CSPG4: variants seen among roughly 807,000 people sequenced by gnomAD.
CSPG4 encodes the protein chondroitin sulfate proteoglycan 4 (melanoma-associated).
CSPG4 carries 74 observed loss-of-function variants against 139.3 expected under a neutral mutation model. The observed-to-expected ratio is 0.53, with a 90% CI of 0.44 to 0.64. The LOEUF is 0.64. CSPG4 is among the 30% of genes least tolerant of loss of function. The pLI, the probability that CSPG4 is intolerant of heterozygous loss-of-function variation, is 0.00. For synonymous variants in CSPG4, 1,234 were observed against 1,394.2 expected (o/e 0.89, Z 2.56); for missense variants, 2,565 against 3,148.3 (o/e 0.81, Z 4.43).
intron 7 of CSPG4, 54 bp from the exon 8 acceptor site, chr15:75,682,513 TG>T (rs1893988712): frequency 6.3e-7 from 1 of 1,583,116 alleles, no homozygotes; most frequent in African/African-American, 1.3e-5. Context: ...GGTCCAGGCC[TG>T]TGTTTGCAAA....
chr15:75,683,728 C>T (rs1054121657), intron 5 of CSPG4, among the ~76,000 whole-genome samples: 9 of 152,172 alleles, frequency 5.9e-5, no homozygotes, highest in South Asian at 2.1e-4. Flanking sequence ...CAATTACTTG[C>T]GGGCAGAGCT....
intron 1 of CSPG4, among the ~76,000 whole-genome samples, chr15:75,711,761 T>C (rs1445034787): frequency 1.3e-5 from 2 of 152,180 alleles, no homozygotes; most frequent in Non-Finnish European, 2.9e-5. Flanking sequence ...ACGTGGGTAG[T>C]GATGATGGAT....
In CSPG4 at chr15:75,677,374, G is replaced by A. The variant is rs1893909556; in HGVS notation, c.5145C>T (p.Val1715=). ...TGATCCTGGCCCGCTGGCCCTCGGG[G>A]ACCCAGAGACCTGGGGGTGGGACAT... is the stretch of plus-strand genomic sequence containing the variant. ...SHLWKNKGLW[V]PEGQRARITV... Residue 1715 remains valine (V), a synonymous_variant, in exon 10 of 10, where the codon GTC becomes GTT. Coordinates refer to ENST00000308508, the MANE Select transcript of CSPG4 (RefSeq NM_001897.5). 1.4e-6 allele frequency: 2 copies of A among 1,395,268 alleles called. No individual in the cohort carries two copies. The highest frequency in any genetic ancestry group is 1.5e-5 in the African/African-American group (1 of 67,602). 86.4% of individuals were successfully genotyped at this position (1,395,268 alleles called of 1,614,324 possible). A position where few individuals can be genotyped will look rare whatever the true frequency, so the allele number is the denominator to read the frequency against.
chr15:75,688,376 G>A lies in CSPG4; in HGVS notation c.2689C>T (p.Pro897Ser). 2 of 1,613,350 alleles carry A rather than the reference G, an allele frequency of 1.2e-6. No individual in the cohort carries two copies. Among genetic ancestry groups the A allele is most frequent in the South Asian group, 1.1e-5 (1 of 91,086 alleles). Reference protein sequence around the residue: ...YTFPIHIGGDPDAPVLTNVLL... With the variant: ...YTFPIHIGGDSDAPVLTNVLL... Reference sequence around the variant, plus strand: ...ACATTGGTGAGGACAGGCGCATCTGGGTCACCACCAATGTGGATGGGGAAG... The same window carrying A: ...ACATTGGTGAGGACAGGCGCATCTGAGTCACCACCAATGTGGATGGGGAAG... Residue 897 changes from proline (P) to serine (S), a missense_variant, in exon 3 of 10, where the codon CCA (proline) becomes TCA (serine). Pro to Ser is a moderately conservative substitution (Grantham distance 74). Transcript: ENST00000308508.
At chr15:75,678,846 G>GA (rs1893930049) in intron 8 of CSPG4, 1 of 454,298 alleles carries the variant, frequency 2.2e-6, no homozygotes, top group Non-Finnish European at 4.4e-6. Flanking sequence ...CGTGTTGTTG[G>GA]ATCCAGCGGT....
At chr15:75,693,748 C>T (rs1332434146) in intron 1 of CSPG4, among the ~76,000 whole-genome samples, 1 of 152,262 alleles carries the variant, frequency 6.6e-6, no homozygotes, top group Non-Finnish European at 1.5e-5. Context: ...CTGTGCAGCG[C>T]CTGCTGTGCC....
At chr15:75,683,560 G>A (rs1269195037) in intron 5 of CSPG4, among the ~76,000 whole-genome samples, 6 of 152,356 alleles carry the variant, frequency 3.9e-5, no homozygotes, top group Admixed American at 3.3e-4. Flanking sequence ...GGTTGGCACT[G>A]TTCTGCAGCA....
Position 75,682,280 on chromosome 15 carries a change from G to A in CSPG4, c.4950+13C>T. ...GGGGCATCTGAGTGGTGGCTGCAAAGTTGGGCCCTTACCTCTGCCTGAGTG... is the reference window on the plus strand; with the variant it reads ...GGGGCATCTGAGTGGTGGCTGCAAAATTGGGCCCTTACCTCTGCCTGAGTG... On this transcript the variant is annotated intron_variant, in intron 8 of 9. Coordinates refer to ENST00000308508, the MANE Select transcript of CSPG4 (RefSeq NM_001897.5). 6.3e-7 allele frequency: 1 copy of A among 1,596,586 alleles called. No homozygotes were observed. The highest frequency in any genetic ancestry group is 2.2e-5 in the East Asian group (1 of 44,872).
intron 8 of CSPG4, among the ~76,000 whole-genome samples, chr15:75,681,679 C>T (rs1324330439): frequency 3.3e-5 from 5 of 152,196 alleles, no homozygotes; most frequent in Admixed American, 3.3e-4. Flanking sequence ...TGGGCTGGCC[C>T]CCATGGCACA....
In CSPG4 at chr15:75,687,541, C is replaced by T. The variant is rs1894078791; in HGVS notation, c.3524G>A (p.Gly1175Glu). 3.7e-6 allele frequency: 6 copies of T among 1,611,186 alleles called. No individual in the cohort carries two copies. In the East Asian group the frequency reaches 8.9e-5, roughly 24 times the overall value. Residue 1175 changes from glycine (G) to glutamate (E), a missense_variant, in exon 3 of 10, where the codon GGA becomes GAA. Gly to Glu is a moderately conservative substitution (Grantham distance 98). Coordinates refer to ENST00000308508, the MANE Select transcript of CSPG4 (RefSeq NM_001897.5). The surrounding 1 kb of genome is among the most constrained non-coding windows in gnomAD (Gnocchi z 5.4). ...TGGCTGACCAGCCCGGACTAGCTGT[C>T]CCCAGCGAGGGCCAGCTGTGACGTG... is the stretch of plus-strand genomic sequence containing the variant. ...HYHVTAGPRW[G>E]QLVRAGQPAT...
At position 75,677,689 on chromosome 15, in the gene CSPG4, ATCATGC is replaced by A. The variant is rs1332971693; in HGVS notation, c.5134+8_5134+13del. On this transcript the variant is annotated splice_region_variant and intron_variant, in intron 9 of 9. Coordinates refer to ENST00000308508, the MANE Select transcript of CSPG4 (RefSeq NM_001897.5). ...TCCCTCCCCACAATCTTGCCAGCTT[ATCATGC>A]TGTTCACCTTTGTTCTTCCAGAGGT... 2 of 1,582,840 alleles carry A rather than the reference ATCATGC, an allele frequency of 1.3e-6. No homozygotes were observed. The highest frequency in any genetic ancestry group is 2.7e-5 in the African/African-American group (2 of 73,076).
rs1893916392 is a variant in CSPG4, at chr15:75,677,863, A to G, written c.4974T>C (p.Tyr1658=). Residue 1658 remains tyrosine (Y), a synonymous_variant, in exon 9 of 10, where the codon TAT becomes TAC. Transcript: ENST00000308508. Reference sequence around the variant, plus strand: ...AGGGCTCGGGGGGCATCTCATGCTCATACAGAATATTCCCAGCGTAGACCT... The same window carrying G: ...AGGGCTCGGGGGGCATCTCATGCTCGTACAGAATATTCCCAGCGTAGACCT... ...QAEVYAGNIL[Y]EHEMPPEPFW... is the part of the protein sequence containing the mutation. 1 of 1,611,932 alleles carries G rather than the reference A, an allele frequency of 6.2e-7. No individual in the cohort carries two copies. Among genetic ancestry groups the G allele is most frequent in the Non-Finnish European group, 8.5e-7 (1 of 1,179,096 alleles).
Position 75,690,041 on chromosome 15 carries a change from G to A in CSPG4, c.1024C>T (p.Leu342=). 6.2e-7 allele frequency: 1 copy of A among 1,611,780 alleles called. No individual in the cohort carries two copies. Among genetic ancestry groups the A allele is most frequent in the South Asian group, 1.1e-5 (1 of 90,752 alleles). Residue 342 remains leucine (L), a synonymous_variant, in exon 3 of 10, where the codon CTG becomes TTG. Transcript: ENST00000308508. ...GAGGCATTGGTGGCCTCTGGTGTCA[G>A]GCCCAGGCGGTGTTCCTGGAGGTGA... is the stretch of plus-strand genomic sequence containing the variant. ...SRHLQEHRLG[L]TPEATNASLL...
At position 75,689,913 on chromosome 15, in the gene CSPG4, C is replaced by T. The variant is rs1476847062; in HGVS notation, c.1152G>A (p.Glu384=). The change falls in exon 3 of 10, where the codon GAG becomes GAA. Residue 384 remains glutamate (E), a synonymous_variant. Transcript: ENST00000308508. Reference sequence around the variant, plus strand: ...CATAGGCATCGTCCTCATACTCCTCCTCCTCCAGCCTGCAGCCGGCTGCCA... The same window carrying T: ...CATAGGCATCGTCCTCATACTCCTCTTCCTCCAGCCTGCAGCCGGCTGCCA... The part of the protein sequence containing the change: ...RNMAAGCRLE[E]EEYEDDAYGH... 4.3e-6 allele frequency: 7 copies of T among 1,611,750 alleles called. No homozygotes were observed. Among genetic ancestry groups the T allele is most frequent in the Middle Eastern group, 1.7e-4 (1 of 6,046 alleles).
intron 5 of CSPG4, among the ~76,000 whole-genome samples, chr15:75,684,461 G>A (rs1424798970): frequency 6.6e-6 from 1 of 152,232 alleles, no homozygotes; most frequent in African/African-American, 2.4e-5. Context: ...CTGGTCCTTA[G>A]CCACAGAAGA....
chr15:75,710,124 G>A (rs1894428945), intron 1 of CSPG4, among the ~76,000 whole-genome samples: 1 of 152,056 alleles, frequency 6.6e-6, no homozygotes, highest in African/African-American at 2.4e-5. Flanking sequence ...CATCAGTTCT[G>A]AGTCCCCACC....
At chr15:75,697,945 GAGA>G (rs1212251289) in intron 1 of CSPG4, among the ~76,000 whole-genome samples, 2 of 152,238 alleles carry the variant, frequency 1.3e-5, no homozygotes, top group African/African-American at 4.8e-5. Context: ...TATTAAAACT[GAGA>G]AGGAGAAATC....
At position 75,690,811 on chromosome 15, in the gene CSPG4, A is replaced by G. The variant is rs1363234024; in HGVS notation, c.254T>C (p.Val85Ala). 1 of 1,602,180 alleles carries G rather than the reference A, an allele frequency of 6.2e-7. No homozygotes were observed. Among genetic ancestry groups the G allele is most frequent in the African/African-American group, 1.3e-5 (1 of 74,660 alleles). The change falls in exon 3 of 10, where the codon GTC (valine) becomes GCC (alanine). Residue 85 changes from valine (V) to alanine (A), a missense_variant and splice_region_variant. Coordinates refer to ENST00000308508, the MANE Select transcript of CSPG4 (RefSeq NM_001897.5). Reference protein sequence around the residue: ...LLQLYSGRLQVRLVLGQEELR... With the variant: ...LLQLYSGRLQARLVLGQEELR... ...CTCCTCCTGGCCCAGAACAAGTCTGACCTGAAGAGAGATGGGGAGTGGGAG... is the reference window on the plus strand; with the variant it reads ...CTCCTCCTGGCCCAGAACAAGTCTGGCCTGAAGAGAGATGGGGAGTGGGAG...
Position 75,693,223 on chromosome 15 carries a change from G to T in CSPG4, c.99C>A (p.Phe33Leu). 1 of 1,603,624 alleles carries T rather than the reference G, an allele frequency of 6.2e-7. No individual in the cohort carries two copies. The highest frequency in any genetic ancestry group is 8.5e-7 in the Non-Finnish European group (1 of 1,175,300). Residue 33 changes from phenylalanine (F) to leucine (L), a missense_variant, in exon 2 of 10, where the codon TTC (phenylalanine) becomes TTA (leucine). This residue lies in a region of CSPG4 where 47 missense variants were observed against 48.7 expected (regional missense o/e 0.97). Transcript: ENST00000308508. ...LARLASAASF[F>L]GENHLEVPVA... ...CAGGCACCTCCAGGTGGTTCTCACC[G>T]AAGAAGGAAGCTGTGTGAGAGAGGG...
Sources: allele counts gnomAD v4.1 joint callset (sites outside exome capture counted in the v4.1 genomes callset), GRCh38; gene constraint gnomAD v4.1.1; regional missense constraint gnomAD v4.1.1; non-coding constraint Gnocchi (gnomAD v3.1); transcripts MANE v1.5; gene names NCBI Gene and HGNC (gene_info 2026-07-23, HGNC 2026-07-21).